F13A1: variants seen among roughly 807,000 people sequenced by gnomAD.
The protein encoded by F13A1 is FSF, A subunit.
In F13A1, 47 loss-of-function variants were observed where a neutral mutation model predicts 80.1. That is an observed-to-expected ratio of 0.59 (90% CI 0.46 to 0.75). F13A1 has a LOEUF of 0.75. Among genes scored for constraint, F13A1 ranks in the 30% least tolerant of loss-of-function variants. The pLI, the probability that F13A1 is intolerant of heterozygous loss-of-function variation, is 0.00. For synonymous variants in F13A1, 349 were observed against 344.9 expected (o/e 1.01, Z -0.13); for missense variants, 817 against 930.4 (o/e 0.88, Z 1.59).
At position 6,145,582 on chromosome 6, in the gene F13A1, G is replaced by A. The variant is rs1760262202; in HGVS notation, c.*37C>T. 2.5e-6 allele frequency: 4 copies of A among 1,613,902 alleles called. No individual in the cohort carries two copies. Among genetic ancestry groups the A allele is most frequent in the South Asian group, 2.2e-5 (2 of 91,074 alleles). On this transcript the variant is annotated 3_prime_UTR_variant, in exon 15 of 15. Transcript: ENST00000264870. The stretch of plus-strand genomic sequence containing the variant: ...AATTTCCTTAGCCAAGACTACAAGA[G>A]GCCAAATGCCAGGGTTCATCTCAGC...
intron 3 of F13A1, among the ~76,000 whole-genome samples, chr6:6,298,378 A>T (rs1758364734): frequency 1.3e-5 from 2 of 149,828 alleles, no homozygotes; most frequent in Non-Finnish European, 2.9e-5. Context: ...AATGTGTGGG[A>T]GTCTAAGTCT....
rs933242015 is a variant in F13A1, at chr6:6,301,772, C to T, written c.319+3579G>A. ...TTCATTTAGTTGCTTTCAGGGGTTACCCTCAGCCACAGAGAACCAATTACA... is the reference window on the plus strand; with the variant it reads ...TTCATTTAGTTGCTTTCAGGGGTTATCCTCAGCCACAGAGAACCAATTACA... On this transcript the variant is annotated intron_variant, in intron 3 of 14. Transcript: ENST00000264870. Among the ~76,000 whole-genome samples the T allele has an allele frequency of 2.0e-5, 3 of 152,134 alleles. No individual in the cohort carries two copies. The East Asian group carries it at 5.8e-4, about 29-fold the overall frequency.
At chr6:6,268,431 G>A (rs1016986066) in intron 3 of F13A1, among the ~76,000 whole-genome samples, 3 of 152,172 alleles carry the variant, frequency 2.0e-5, no homozygotes, top group Non-Finnish European at 1.5e-5. Context: ...CAGACCATCT[G>A]GTTTGAGAGT....
At chr6:6,159,538 G>A (rs1561638270) in intron 13 of F13A1, among the ~76,000 whole-genome samples, 1 of 152,140 alleles carries the variant, frequency 6.6e-6, no homozygotes, top group African/African-American at 2.4e-5. Flanking sequence ...GGGGGATGTG[G>A]CTCCATGCCA....
intron 11 of F13A1, among the ~76,000 whole-genome samples, chr6:6,178,039 G>A (rs1366732930): frequency 4.8e-5 from 1 of 20,986 alleles, no homozygotes; most frequent in African/African-American, 1.4e-4. Flanking sequence ...GGAGGCCACA[G>A]GGAGAGGGGG....
chr6:6,305,267 G>T, intron 3 of F13A1, 84 bp downstream of exon 3: 1 of 1,461,852 alleles, frequency 6.8e-7, no homozygotes, highest in Non-Finnish European at 9.6e-7. Flanking sequence ...ATGACACTAG[G>T]AAATCACACA....
intron 8 of F13A1, among the ~76,000 whole-genome samples, chr6:6,216,642 A>T (rs1757092594): frequency 6.7e-6 from 1 of 149,738 alleles, no homozygotes; most frequent in Non-Finnish European, 1.5e-5. Context: ...CTAAAACACC[A>T]AAAGCAATGG....
intron 4 of F13A1, among the ~76,000 whole-genome samples, chr6:6,256,571 A>G (rs1757706498): frequency 6.6e-6 from 1 of 152,074 alleles, no homozygotes; most frequent in African/African-American, 2.4e-5. Flanking sequence ...TAATGACCTC[A>G]TTTATTTTAC....
At chr6:6,195,983 A>G (rs891763465) in intron 9 of F13A1, 98 bp from the exon 10 acceptor site, 2 of 1,090,338 alleles carry the variant, frequency 1.8e-6, no homozygotes, top group African/African-American at 1.5e-5. Flanking sequence ...TGTAAAGACC[A>G]GTGTTCCCAA....
chr6:6,221,393 T>C (rs1757190192), intron 8 of F13A1, among the ~76,000 whole-genome samples: 1 of 152,064 alleles, frequency 6.6e-6, no homozygotes, highest in African/African-American at 2.4e-5. Context: ...CAATGAAAGG[T>C]GACAATATAA....
chr6:6,292,176 AT>A, intron 3 of F13A1, among the ~76,000 whole-genome samples: 1 of 152,206 alleles, frequency 6.6e-6, no homozygotes, highest in African/African-American at 2.4e-5. Flanking sequence ...AATGGGAGGC[AT>A]ACAGCACCTC....
chr6:6,162,404 G>T lies in F13A1; in HGVS notation c.1908+5054C>A, dbSNP rs1252322041. Among the ~76,000 whole-genome samples, 1 of 152,150 alleles carries T rather than the reference G, an allele frequency of 6.6e-6. No homozygotes were observed. Among genetic ancestry groups the T allele is most frequent in the Non-Finnish European group, 1.5e-5 (1 of 68,026 alleles). On this transcript the variant is annotated intron_variant, in intron 13 of 14. Transcript: ENST00000264870. This position sits in a 1 kb window ranked among gnomAD's most constrained non-coding sequence, Gnocchi z 4.2. ...GGTTGAACGTTATCTGTTCATTGGA[G>T]ACCATTCATCTTTCTACAGTCTTAA...
chr6:6,185,141 T>A (rs1416815629), intron 10 of F13A1, among the ~76,000 whole-genome samples: 5 of 151,778 alleles, frequency 3.3e-5, no homozygotes, highest in African/African-American at 4.8e-5. Context: ...TTTTTTTTTT[T>A]TATTATACTT....
chr6:6,285,100 TTAGC>T (rs1215081657), intron 3 of F13A1, among the ~76,000 whole-genome samples: 1 of 152,098 alleles, frequency 6.6e-6, no homozygotes, highest in Non-Finnish European at 1.5e-5. Flanking sequence ...AAAAAATAAA[TTAGC>T]TAGGCCTGGT....
At chr6:6,157,644 CA>C (rs1430600911) in intron 13 of F13A1, among the ~76,000 whole-genome samples, 1 of 152,150 alleles carries the variant, frequency 6.6e-6, no homozygotes, top group East Asian at 1.9e-4. Context: ...TAAAATGTGA[CA>C]AGGTAGCCTT....
rs185395705 is a variant in F13A1 at position 6,294,833 on chromosome 6, C to T, written c.319+10518G>A. Among the ~76,000 whole-genome samples the T allele has an allele frequency of 3.1e-3, 469 of 150,228 alleles. 3 individuals are homozygous for T. The highest frequency in any genetic ancestry group is 0.011 in the African/African-American group (450 of 40,256). On this transcript the variant is annotated intron_variant, in intron 3 of 14. Coordinates refer to ENST00000264870, the MANE Select transcript of F13A1 (RefSeq NM_000129.4). ...TGTGTATACATGTGCCATGGTGGTG[C>T]GCTGCACCCACTAACTCGTCATCCA...
chr6:6,188,307 G>T (rs1403853151), intron 10 of F13A1, among the ~76,000 whole-genome samples: 1 of 149,204 alleles, frequency 6.7e-6, no homozygotes, highest in African/African-American at 2.5e-5. Flanking sequence ...TCTTTTAATT[G>T]TGATGTTAGG....
At chr6:6,168,307 G>A (rs9504699) in intron 12 of F13A1, among the ~76,000 whole-genome samples, 4,811 of 152,274 alleles carry the variant, frequency 0.032, 149 homozygotes, top group African/African-American at 0.085. Context: ...ACAAGCCAAT[G>A]AGAATGGCAT....
At position 6,186,621 on chromosome 6, in the gene F13A1, C is replaced by T. The variant is rs558575671; in HGVS notation, c.1306-4480G>A. ...ACCAGTACCATGCTGTTTTGGTGACCGTAGCCTTGTAGTATAGTTTGAAGT... is the reference window on the plus strand; with the variant it reads ...ACCAGTACCATGCTGTTTTGGTGACTGTAGCCTTGTAGTATAGTTTGAAGT... On this transcript the variant is annotated intron_variant, in intron 10 of 14. Transcript: ENST00000264870. Among the ~76,000 whole-genome samples, 903 of 152,176 alleles carry T rather than the reference C, an allele frequency of 5.9e-3. 6 individuals are homozygous for T. The highest frequency in any genetic ancestry group is 0.012 in the African/African-American group (514 of 41,504).
Sources: allele counts gnomAD v4.1 joint callset (sites outside exome capture counted in the v4.1 genomes callset), GRCh38; gene constraint gnomAD v4.1.1; non-coding constraint Gnocchi (gnomAD v3.1); transcripts MANE v1.5; gene names NCBI Gene and HGNC (gene_info 2026-07-23, HGNC 2026-07-21).